Variants in TYW1B observed in about 807,000 individuals in gnomAD.
The protein encoded by TYW1B is S-adenosyl-L-methionine-dependent tRNA 4-demethylwyosine synthase TYW1B.
Under a neutral mutation model 86.9 loss-of-function variants are expected in TYW1B, and 73 were observed. The ratio of observed to expected loss-of-function variants is 0.84; its 90% CI spans 0.70 to 1.02. The LOEUF (loss-of-function observed/expected upper bound fraction) is 1.02, where lower values mean the gene tolerates loss of function less well. TYW1B is among the 50% of genes least tolerant of loss of function. The pLI, the probability that TYW1B is intolerant of heterozygous loss-of-function variation, is 0.00. For synonymous variants in TYW1B, 248 were observed against 292.8 expected (o/e 0.85, Z 1.56); for missense variants, 637 against 827.4 (o/e 0.77, Z 2.82).
chr7:72,649,161 A>G (rs1403164879), intron 11 of TYW1B, among the ~76,000 whole-genome samples: 2 of 152,226 alleles, frequency 1.3e-5, no homozygotes, highest in African/African-American at 4.8e-5. Context: ...ATGGAAAAGG[A>G]CAAAGAAATG....
chr7:72,757,198 T>C (rs1347049723), intron 7 of TYW1B, among the ~76,000 whole-genome samples: 2 of 151,914 alleles, frequency 1.3e-5, no homozygotes, highest in Non-Finnish European at 2.9e-5. Context: ...TGAAACCCTG[T>C]CTCTACTAAA....
intron 11 of TYW1B, among the ~76,000 whole-genome samples, chr7:72,636,594 T>A (rs1554440784): frequency 6.6e-6 from 1 of 152,228 alleles, no homozygotes; most frequent in African/African-American, 2.4e-5. Context: ...GAAGTTTCCT[T>A]CTAATCCTAA....
intron 11 of TYW1B, among the ~76,000 whole-genome samples, chr7:72,658,126 C>T (rs1484691778): frequency 3.9e-5 from 6 of 152,020 alleles, no homozygotes; most frequent in African/African-American, 9.7e-5. Context: ...GGTGTGGTGG[C>T]GGGCGCCTGT....
At chr7:72,741,467 A>G (rs1319826727) in intron 8 of TYW1B, among the ~76,000 whole-genome samples, 2 of 152,216 alleles carry the variant, frequency 1.3e-5, no homozygotes, top group African/African-American at 4.8e-5. Flanking sequence ...ACAGAGTCTT[A>G]GCACACCATC....
chr7:72,625,904 G>GGGC (rs1362677075), intron 12 of TYW1B, among the ~76,000 whole-genome samples: 15 of 118,020 alleles, frequency 1.3e-4, no homozygotes, highest in African/African-American at 4.3e-4. Flanking sequence ...GGCGGGGGGG[G>GGGC]GGGAAGAAAG....
intron 11 of TYW1B, among the ~76,000 whole-genome samples, chr7:72,635,373 A>C (rs1445925721): frequency 1.1e-4 from 16 of 152,154 alleles, no homozygotes; most frequent in Non-Finnish European, 4.4e-5. Context: ...CTCAACCAGG[A>C]GCGATTCTGC....
chr7:72,683,248 A>C (rs1813921210), intron 11 of TYW1B, among the ~76,000 whole-genome samples: 1 of 152,158 alleles, frequency 6.6e-6, no homozygotes, highest in Admixed American at 6.5e-5. Context: ...TGTGAAGTTC[A>C]CAGTCCAGGG....
intron 7 of TYW1B, among the ~76,000 whole-genome samples, chr7:72,776,556 CAAAAAAAAAAA>C (rs67553013): frequency 2.2e-5 from 1 of 45,246 alleles, no homozygotes; most frequent in Non-Finnish European, 3.7e-5. Context: ...GACTCTGTCT[CAAAAAAAAAAA>C]AAAAAAAAAA....
intron 6 of TYW1B, among the ~76,000 whole-genome samples, chr7:72,785,461 T>A (rs11971151): frequency 0.77 from 113,761 of 147,640 alleles, 44,203 homozygotes; most frequent in Non-Finnish European, 0.8. Flanking sequence ...TACTATTATT[T>A]TATAAAAAAT....
intron 7 of TYW1B, among the ~76,000 whole-genome samples, chr7:72,755,505 A>G (rs1424275302): frequency 1.3e-5 from 2 of 152,122 alleles, no homozygotes; most frequent in Non-Finnish European, 2.9e-5. Context: ...GTGAAACCCC[A>G]TCTCTATAAA....
intron 7 of TYW1B, among the ~76,000 whole-genome samples, chr7:72,771,055 T>G (rs1479528900): frequency 6.7e-6 from 1 of 148,570 alleles, no homozygotes; most frequent in Admixed American, 6.9e-5. Flanking sequence ...CTCTGCCTCC[T>G]GGGTTCAAGT....
chr7:72,817,321 CTGCTCGAACCCAGGAGGCGGAGGTTGCAG>C (rs1341372677), intron 2 of TYW1B, among the ~76,000 whole-genome samples: 2 of 151,946 alleles, frequency 1.3e-5, no homozygotes, highest in Non-Finnish European at 2.9e-5. Context: ...GGGAGGAGAA[CTGCTCGAACCCAGGAGGCGGAGGTTGCAG>C]TGAGCCGAGA....
intron 6 of TYW1B, among the ~76,000 whole-genome samples, chr7:72,791,612 C>A (rs1585986694): frequency 6.6e-6 from 1 of 152,032 alleles, no homozygotes; most frequent in East Asian, 1.9e-4. Context: ...CTCGTCTCTA[C>A]TAAAAACACA....
At chr7:72,716,150 G>C (rs1585925065) in intron 9 of TYW1B, among the ~76,000 whole-genome samples, 2 of 152,200 alleles carry the variant, frequency 1.3e-5, no homozygotes, top group East Asian at 3.9e-4. Context: ...TGTTGGCCAG[G>C]ATGGTCTCGA....
chr7:72,632,285 G>GTGTATATATATATATATATTA (rs1554439904), intron 11 of TYW1B, among the ~76,000 whole-genome samples: 1 of 83,568 alleles, frequency 1.2e-5, no homozygotes, highest in African/African-American at 7.2e-5. Context: ...ATATATACGT[G>GTGTATATATATATATATATTA]TATATATATA....
chr7:72,674,632 T>G (rs1813691777), intron 11 of TYW1B, among the ~76,000 whole-genome samples: 1 of 152,126 alleles, frequency 6.6e-6, no homozygotes, highest in Non-Finnish European at 1.5e-5. Flanking sequence ...TAGTGTTGAA[T>G]CATTCCACTC....
chr7:72,621,368 C>G (rs1812210260), intron 12 of TYW1B, among the ~76,000 whole-genome samples: 2 of 152,234 alleles, frequency 1.3e-5, no homozygotes, highest in African/African-American at 4.8e-5. Context: ...AATAACTCCC[C>G]TTTAAACCAG....
In TYW1B at chr7:72,579,120, T is replaced by C. The variant is rs139941567; in HGVS notation, c.1786-3401A>G. Among the ~76,000 whole-genome samples the C allele has an allele frequency of 6.5e-3, 984 of 152,108 alleles. 9 individuals carry two copies. Among genetic ancestry groups the C allele is most frequent in the African/African-American group, 0.02 (844 of 41,490 alleles). ...TATCTCAATCTAGTACACGCAAATA[T>C]ACACACACAAGCTGGGAATACAACT... On this transcript the variant is annotated intron_variant, in intron 13 of 13. Transcript: ENST00000620995.
intron 11 of TYW1B, among the ~76,000 whole-genome samples, chr7:72,638,284 G>A (rs142347485): frequency 0.05 from 7,128 of 143,452 alleles, 6 homozygotes; most frequent in South Asian, 0.071. Context: ...ATACTCCCAG[G>A]AAAACCATTT....
Sources: gnomAD v4.1 joint callset for allele counts (sites outside exome capture counted in the v4.1 genomes callset) on GRCh38, gnomAD v4.1.1 for gene constraint, MANE v1.5 for transcripts, NCBI Gene and HGNC (gene_info 2026-07-23, HGNC 2026-07-21) for gene names.